The following BMPR1B variants were observed in gnomAD, a reference collection of about 807,000 sequenced individuals.
The protein encoded by BMPR1B is bone morphogenetic protein receptor type-1B.
Under a neutral mutation model 59.1 loss-of-function variants are expected in BMPR1B, and 12 were observed. The ratio of observed to expected loss-of-function variants is 0.20; its 90% CI spans 0.13 to 0.33. The LOEUF (loss-of-function observed/expected upper bound fraction) is 0.33, where lower values mean the gene tolerates loss of function less well. Among genes scored for constraint, BMPR1B ranks in the 10% least tolerant of loss-of-function variants. The probability of loss-of-function intolerance (pLI) is 1.00; values close to 1 mark genes in which losing one functional copy is unlikely to be tolerated. For synonymous variants in BMPR1B, 237 were observed against 207.3 expected (o/e 1.14, Z -1.23); for missense variants, 550 against 610.9 (o/e 0.90, Z 1.05).
At chr4:94,841,220 G>T (rs1487123759) in intron 1 of BMPR1B, among the ~76,000 whole-genome samples, 5 of 149,330 alleles carry the variant, frequency 3.3e-5, no homozygotes, top group Non-Finnish European at 6.0e-5. Context: ...CTTTTTGTTT[G>T]TCTGTGCCCT....
In BMPR1B at chr4:95,026,098, ATTTCTTTC is replaced by A. The variant is rs70946580; in HGVS notation, c.-18+30022_-18+30029del. On this transcript the variant is annotated intron_variant, in intron 3 of 12. Coordinates refer to ENST00000515059, the MANE Select transcript of BMPR1B (RefSeq NM_001203.3). ...TTGGCTGGCTGGATTGCTTTCTTTC[ATTTCTTTC>A]TTTCTTTCTTTCTTTCTTTCTTTCT... Among the ~76,000 whole-genome samples, 190 of 101,712 alleles carry A rather than the reference ATTTCTTTC, an allele frequency of 1.9e-3. 1 individual carries two copies. Among genetic ancestry groups the A allele is most frequent in the East Asian group, 5.6e-3 (21 of 3,748 alleles). The allele number at this position is 101,712 out of a possible 152,430, so 66.7% of individuals were successfully genotyped here.
At chr4:94,983,854 C>T (rs1407961654) in intron 2 of BMPR1B, among the ~76,000 whole-genome samples, 2 of 152,214 alleles carry the variant, frequency 1.3e-5, no homozygotes, top group Non-Finnish European at 2.9e-5. Context: ...ACCAGTCTGT[C>T]TCCCTCACTA....
Position 95,154,832 on chromosome 4 carries a change from C to A in BMPR1B, c.*159C>A. 2 of 984,502 alleles carry A rather than the reference C, an allele frequency of 2.0e-6. No individual in the cohort carries two copies. The highest frequency in any genetic ancestry group is 3.1e-6 in the Non-Finnish European group (2 of 655,086). The allele number at this position is 984,502 out of a possible 1,614,324, so 61.0% of individuals were successfully genotyped here. ...CTCACCTCTCAGGGAGCGACCTGGG[C>A]AAAGACAGAGAAGCTCCCAGAAGGA... On this transcript the variant is annotated 3_prime_UTR_variant, in exon 13 of 13. Transcript: ENST00000515059.
At chr4:94,891,870 G>T (rs1470059767) in intron 2 of BMPR1B, among the ~76,000 whole-genome samples, 2 of 152,002 alleles carry the variant, frequency 1.3e-5, no homozygotes, top group East Asian at 3.9e-4. Context: ...TATATATTGA[G>T]GCTCTCTTGT....
intron 2 of BMPR1B, among the ~76,000 whole-genome samples, chr4:94,902,187 A>G (rs1727844504): frequency 6.9e-6 from 1 of 144,520 alleles, no homozygotes; most frequent in Non-Finnish European, 1.5e-5. Flanking sequence ...AATGAATTAT[A>G]TTTATACCTG....
chr4:94,952,696 A>T (rs1300270846), intron 2 of BMPR1B, among the ~76,000 whole-genome samples: 1 of 152,076 alleles, frequency 6.6e-6, no homozygotes, highest in East Asian at 1.9e-4. Flanking sequence ...GGTTGGTTTT[A>T]GAGTAAGTGC....
At chr4:94,868,018 A>ATT (rs66760751) in intron 1 of BMPR1B, among the ~76,000 whole-genome samples, 1 of 141,328 alleles carries the variant, frequency 7.1e-6, no homozygotes, top group Non-Finnish European at 1.5e-5. Flanking sequence ...TGCCCCGCTA[A>ATT]TTTTTTTTTT....
In BMPR1B at chr4:94,772,912, G is replaced by A. The variant is rs148922318; in HGVS notation, c.-183+14844G>A. 7.0e-3 allele frequency among the ~76,000 whole-genome samples: 1,061 copies of A among 152,006 alleles called. 17 individuals are homozygous for A. Among genetic ancestry groups the A allele is most frequent in the African/African-American group, 0.025 (1,017 of 41,498 alleles). On this transcript the variant is annotated intron_variant, in intron 1 of 12. Coordinates refer to ENST00000515059, the MANE Select transcript of BMPR1B (RefSeq NM_001203.3). Reference sequence around the variant, plus strand: ...AATCATTGAATGACCCTTCATAATTGTATTATGAAACCATATAATAAGGAA... The same window carrying A: ...AATCATTGAATGACCCTTCATAATTATATTATGAAACCATATAATAAGGAA...
At chr4:95,079,432 T>A (rs1169422369) in intron 3 of BMPR1B, among the ~76,000 whole-genome samples, 4 of 134,020 alleles carry the variant, frequency 3.0e-5, no homozygotes, top group Admixed American at 1.6e-4. Context: ...CTAATTTGGA[T>A]ATTCTAAATA....
chr4:94,901,121 G>A (rs1199681052), intron 2 of BMPR1B, among the ~76,000 whole-genome samples: 1 of 151,940 alleles, frequency 6.6e-6, no homozygotes, highest in African/African-American at 2.4e-5. Flanking sequence ...ACTCAAACAA[G>A]TATTCTCTGC....
intron 3 of BMPR1B, among the ~76,000 whole-genome samples, chr4:95,087,112 T>C (rs1414151169): frequency 2.0e-5 from 3 of 146,358 alleles, no homozygotes; most frequent in Non-Finnish European, 4.5e-5. Flanking sequence ...CACTTCAGCC[T>C]CCGCCTCCAG....
intron 2 of BMPR1B, among the ~76,000 whole-genome samples, chr4:94,881,709 C>T (rs1032987004): frequency 1.3e-5 from 2 of 152,126 alleles, no homozygotes; most frequent in African/African-American, 4.8e-5. Flanking sequence ...CGGTGATTCT[C>T]CCGCCTTGGT....
chr4:95,088,858 C>G (rs1341326904), intron 3 of BMPR1B, among the ~76,000 whole-genome samples: 1 of 151,800 alleles, frequency 6.6e-6, no homozygotes, highest in Admixed American at 6.6e-5. Context: ...TTAAAACTGA[C>G]AAGTTTTGCC....
Position 94,781,261 on chromosome 4 carries a change from C to T in BMPR1B, c.-183+23193C>T, listed in dbSNP as rs1002371954. Among the ~76,000 whole-genome samples, 43 of 152,024 alleles carry T rather than the reference C, an allele frequency of 2.8e-4. 1 individual carries two copies. The highest frequency in any genetic ancestry group is 5.9e-5 in the Non-Finnish European group (4 of 68,014). Reference sequence around the variant, plus strand: ...CAGATATATGATTTGCAAATATTTCCTCTCATTCTTAAGATTGTCTTTTCA... The same window carrying T: ...CAGATATATGATTTGCAAATATTTCTTCTCATTCTTAAGATTGTCTTTTCA... On this transcript the variant is annotated intron_variant, in intron 1 of 12. Coordinates refer to ENST00000515059, the MANE Select transcript of BMPR1B (RefSeq NM_001203.3).
At position 94,758,026 on chromosome 4, in the gene BMPR1B, G is replaced by C. The variant is rs1392162012; in HGVS notation, c.-225G>C. ...CTCGCGGGACGCCGGGCAGTGCGGA[G>C]ACCGCGGCGCTGAGGACGCGGGAGC... On this transcript the variant is annotated 5_prime_UTR_variant, in exon 1 of 13. Coordinates refer to ENST00000515059, the MANE Select transcript of BMPR1B (RefSeq NM_001203.3). The C allele has an allele frequency of 6.8e-6, 1 of 147,880 alleles. No homozygotes were observed. The highest frequency in any genetic ancestry group is 1.5e-5 in the Non-Finnish European group (1 of 66,176). 9.2% of individuals were successfully genotyped at this position (147,880 alleles called of 1,614,324 possible). A position where few individuals can be genotyped will look rare whatever the true frequency, so the allele number is the denominator to read the frequency against.
At chr4:94,842,165 TTTACG>T (rs1725113591) in intron 1 of BMPR1B, among the ~76,000 whole-genome samples, 2 of 152,208 alleles carry the variant, frequency 1.3e-5, no homozygotes, top group African/African-American at 4.8e-5. Context: ...TAATTTTAAC[TTTACG>T]TTATATTTCC....
intron 3 of BMPR1B, among the ~76,000 whole-genome samples, chr4:95,011,405 G>A (rs1723219569): frequency 6.6e-6 from 1 of 152,188 alleles, no homozygotes; most frequent in Non-Finnish European, 1.5e-5. Context: ...GTTCCACAGA[G>A]CTCAGGGACC....
intron 1 of BMPR1B, among the ~76,000 whole-genome samples, chr4:94,838,670 C>T (rs1724920781): frequency 2.1e-5 from 3 of 141,192 alleles, no homozygotes; most frequent in East Asian, 2.0e-4. Context: ...ATTAGTCTTA[C>T]TAGCGGTCTA....
intron 5 of BMPR1B, 123 bp downstream of exon 5, chr4:95,114,945 A>G (rs1190967638): frequency 1.1e-6 from 1 of 895,448 alleles, no homozygotes; most frequent in East Asian, 2.4e-5. Context: ...GCTGCACAAA[A>G]ACATTTAGGT....
Sources: gnomAD v4.1 joint callset for allele counts (sites outside exome capture counted in the v4.1 genomes callset) on GRCh38, gnomAD v4.1.1 for gene constraint, MANE v1.5 for transcripts, NCBI Gene and HGNC (gene_info 2026-07-23, HGNC 2026-07-21) for gene names.